The following SEMA3D variants were observed in gnomAD, a reference collection of about 807,000 sequenced individuals.
SEMA3D encodes semaphorin 3D.
A neutral mutation model predicts 100.1 loss-of-function variants in SEMA3D; 84 were observed. The ratio of observed to expected loss-of-function variants is 0.84; its 90% CI spans 0.70 to 1.01. SEMA3D has a LOEUF of 1.01. Ranked by LOEUF, SEMA3D falls within the 50% of genes least tolerant of loss-of-function variation. The pLI is 0.00. For missense variants in SEMA3D, 875 were observed against 934.1 expected (o/e 0.94, Z 0.82); for synonymous variants, 312 against 320.7 (o/e 0.97, Z 0.29).
chr7:85,109,643 C>T (rs1402099823), intron 3 of SEMA3D, among the ~76,000 whole-genome samples: 2 of 151,906 alleles, frequency 1.3e-5, no homozygotes, highest in African/African-American at 2.4e-5. Context: ...TACAAAAATG[C>T]AAACTGTATA....
chr7:85,028,384 CA>C (rs61589019), intron 12 of SEMA3D: 31,491 of 182,848 alleles, frequency 0.17, 848 homozygotes, highest in Non-Finnish European at 0.2. Context: ...ACAGTTTAGA[CA>C]AAAAAAAAAA....
In SEMA3D at chr7:85,092,653, G is replaced by A. The variant is rs1452112666; in HGVS notation, c.312+5152C>T. ...GTTTTCTGTACATTAACTATTTAGT[G>A]AATAATGCTAAATACTATGACTATA... On this transcript the variant is annotated intron_variant, in intron 4 of 18. Transcript: ENST00000284136. Among the ~76,000 whole-genome samples the A allele has an allele frequency of 2.6e-5, 4 of 151,990 alleles. No individual in the cohort carries two copies. In the East Asian group the frequency reaches 7.8e-4, roughly 29 times the overall value.
intron 13 of SEMA3D, among the ~76,000 whole-genome samples, chr7:85,021,338 G>C (rs1217345634): frequency 6.6e-6 from 1 of 151,680 alleles, no homozygotes; most frequent in Non-Finnish European, 1.5e-5. Flanking sequence ...CCTAGTTTTG[G>C]GTGGACAGTA....
intron 6 of SEMA3D, among the ~76,000 whole-genome samples, chr7:85,070,932 C>T (rs2116177023): frequency 1.3e-5 from 2 of 152,244 alleles, no homozygotes; most frequent in South Asian, 4.1e-4. Context: ...AGGCGCATGC[C>T]ACCACGCTCG....
the SEMA3D span, among the ~76,000 whole-genome samples, chr7:85,236,591 C>T: frequency 6.6e-6 from 1 of 151,208 alleles, no homozygotes; most frequent in Non-Finnish European, 1.5e-5. Context: ...CAGGCATGAG[C>T]CACCGCACCC....
At chr7:85,221,751 TAAC>T in the SEMA3D span, among the ~76,000 whole-genome samples, 4 of 152,028 alleles carry the variant, frequency 2.6e-5, no homozygotes, top group Non-Finnish European at 5.9e-5. Flanking sequence ...AAAATAAACT[TAAC>T]AATCAATGCT....
intron 17 of SEMA3D, among the ~76,000 whole-genome samples, chr7:85,008,136 G>A (rs1204316333): frequency 6.6e-6 from 1 of 151,744 alleles, no homozygotes; most frequent in Non-Finnish European, 1.5e-5. Flanking sequence ...GCCAGTCATG[G>A]AAAAGAAAGA....
chr7:85,049,246 C>T (rs966107835), intron 9 of SEMA3D, among the ~76,000 whole-genome samples: 4 of 151,472 alleles, frequency 2.6e-5, no homozygotes, highest in African/African-American at 9.7e-5. Flanking sequence ...TCTATAGAGG[C>T]TTTCAAGGCA....
intron 3 of SEMA3D, among the ~76,000 whole-genome samples, chr7:85,100,111 G>T (rs1376917083): frequency 3.3e-5 from 5 of 151,964 alleles, no homozygotes; most frequent in Admixed American, 3.3e-4. Context: ...CTCTGAAAGA[G>T]ATATGACCCT....
chr7:85,179,089 A>C (rs896808740), intron 1 of SEMA3D, among the ~76,000 whole-genome samples: 1 of 152,360 alleles, frequency 6.6e-6, no homozygotes, highest in Non-Finnish European at 1.5e-5. Flanking sequence ...TCCTGGCAGA[A>C]GTCTGCTGCA....
intron 9 of SEMA3D, among the ~76,000 whole-genome samples, chr7:85,042,823 A>T: frequency 6.6e-6 from 1 of 152,100 alleles, no homozygotes; most frequent in Non-Finnish European, 1.5e-5. Context: ...ACAGGTGCAT[A>T]CCACTGAACC....
the SEMA3D span, among the ~76,000 whole-genome samples, chr7:85,212,411 T>C: frequency 6.6e-6 from 1 of 152,230 alleles, no homozygotes; most frequent in African/African-American, 2.4e-5. Flanking sequence ...CCTTCAGCCT[T>C]AGAATAGCAA....
At chr7:85,021,142 G>A (rs191475892) in intron 13 of SEMA3D, among the ~76,000 whole-genome samples, 106 of 151,672 alleles carry the variant, frequency 7.0e-4, no homozygotes, top group African/African-American at 2.3e-3. Flanking sequence ...GATCCTGTTC[G>A]CACAAAATAG....
intron 1 of SEMA3D, chr7:85,160,039 T>A (rs373851917): frequency 8.2e-5 from 78 of 945,622 alleles, no homozygotes; most frequent in Non-Finnish European, 9.4e-5. Context: ...AAAACTGAAC[T>A]GTTATTTTAT....
At chr7:85,244,297 G>T in the SEMA3D span, among the ~76,000 whole-genome samples, 2 of 152,096 alleles carry the variant, frequency 1.3e-5, no homozygotes, top group African/African-American at 2.4e-5. Flanking sequence ...GTGAGGACTC[G>T]CTCACTCCTG....
the SEMA3D span, among the ~76,000 whole-genome samples, chr7:85,216,039 T>C: frequency 1.5e-3 from 228 of 152,226 alleles, no homozygotes; most frequent in Non-Finnish European, 2.3e-3. Flanking sequence ...AATGTTAACA[T>C]AGTTTATTAT....
At chr7:85,115,545 C>T (rs1789214633) in intron 3 of SEMA3D, among the ~76,000 whole-genome samples, 3 of 152,040 alleles carry the variant, frequency 2.0e-5, no homozygotes, top group African/African-American at 7.2e-5. Context: ...GTCTTCAATT[C>T]CTTTAGTTCA....
intron 1 of SEMA3D, among the ~76,000 whole-genome samples, chr7:85,165,480 C>A (rs1790881141): frequency 6.6e-6 from 1 of 152,154 alleles, no homozygotes; most frequent in South Asian, 2.1e-4. Context: ...TAGATTACAA[C>A]CCAATCATGA....
At chr7:85,078,160 G>A (rs902908243) in intron 5 of SEMA3D, among the ~76,000 whole-genome samples, 14 of 152,092 alleles carry the variant, frequency 9.2e-5, no homozygotes, top group Non-Finnish European at 4.4e-5. Context: ...GTTATCTCTG[G>A]TTAGTGTTCA....
Sources: allele counts gnomAD v4.1 joint callset (sites outside exome capture counted in the v4.1 genomes callset), GRCh38; gene constraint gnomAD v4.1.1; transcripts MANE v1.5; gene names NCBI Gene and HGNC (gene_info 2026-07-23, HGNC 2026-07-21).